Variants in AVEN observed in about 807,000 individuals in gnomAD.
AVEN encodes the protein apoptosis and caspase activation inhibitor.
Under a neutral mutation model 38.1 loss-of-function variants are expected in AVEN, and 41 were observed. That is an observed-to-expected ratio of 1.08 (90% CI 0.84 to 1.40). The LOEUF is 1.40. Among genes scored for constraint, AVEN ranks in the 40% most tolerant of loss-of-function variants. The probability of loss-of-function intolerance (pLI) is 0.00; values close to 1 mark genes in which losing one functional copy is unlikely to be tolerated. For missense variants in AVEN, 605 were observed against 438.8 expected (o/e 1.38, Z -3.38); for synonymous variants, 206 against 171.8 (o/e 1.20, Z -1.56).
intron 1 of AVEN, among the ~76,000 whole-genome samples, chr15:34,003,709 T>C (rs1336160585): frequency 6.6e-6 from 1 of 152,190 alleles, no homozygotes; most frequent in African/African-American, 2.4e-5. Context: ...CACTATTACA[T>C]ATAGTGAGGG....
At chr15:33,915,082 A>C (rs1003096496) in intron 2 of AVEN, among the ~76,000 whole-genome samples, 1 of 152,174 alleles carries the variant, frequency 6.6e-6, no homozygotes, top group African/African-American at 2.4e-5. Flanking sequence ...AAGGGCTTCC[A>C]ACTGGCCAAG....
At chr15:33,883,713 A>T (rs1891587040) in intron 2 of AVEN, 1 of 152,242 alleles carries the variant, frequency 6.6e-6, no homozygotes, top group Non-Finnish European at 1.5e-5. Flanking sequence ...CTTTTGACAC[A>T]ATACATTTTC....
At chr15:34,052,706 A>G (rs1899971053) in intron 5 of AVEN, among the ~76,000 whole-genome samples, 1 of 152,156 alleles carries the variant, frequency 6.6e-6, no homozygotes, top group Admixed American at 6.5e-5. Flanking sequence ...CAACAACAGG[A>G]AAGCACAGAG....
At chr15:33,853,686 C>T in the AVEN span, 1 of 1,611,452 alleles carries the variant, frequency 6.2e-7, no homozygotes, top group Non-Finnish European at 8.5e-7. Flanking sequence ...TGTCATGGTA[C>T]AAAAAGCTTA....
At chr15:33,861,305 T>C (rs1486895299), downstream of AVEN, 3 of 613,502 alleles carry the variant, frequency 4.9e-6, no homozygotes, top group Non-Finnish European at 8.7e-6. Context: ...CCCATGAGCC[T>C]GTACCTTTGT....
chr15:33,955,412 C>T (rs917010204), intron 2 of AVEN, among the ~76,000 whole-genome samples: 2 of 152,128 alleles, frequency 1.3e-5, no homozygotes, highest in African/African-American at 4.8e-5. Flanking sequence ...GCTCTATTTG[C>T]CCCTAATATG....
At position 33,894,242 on chromosome 15, in the gene AVEN, G is replaced by A. The variant is rs150488512; in HGVS notation, c.446-18247C>T. Among the ~76,000 whole-genome samples the A allele has an allele frequency of 3.7e-4, 56 of 152,068 alleles. No homozygotes were observed. In the East Asian group the frequency reaches 9.3e-3, roughly 25 times the overall value. ...TGGGATTAAAGGTGTGAGCTACTGC[G>A]CCTGACTGATGCCAAGAATTTTAAA... On this transcript the variant is annotated intron_variant, in intron 2 of 5. Coordinates refer to ENST00000306730, the MANE Select transcript of AVEN (RefSeq NM_020371.3).
intron 2 of AVEN, among the ~76,000 whole-genome samples, chr15:33,931,842 T>C (rs1893864764): frequency 6.6e-6 from 1 of 152,198 alleles, no homozygotes; most frequent in Non-Finnish European, 1.5e-5. Context: ...GCTAGAAGTA[T>C]AGTTGATTTG....
intron 3 of AVEN, among the ~76,000 whole-genome samples, chr15:33,873,452 G>A (rs145856848): frequency 1.4e-5 from 2 of 147,714 alleles, no homozygotes; most frequent in Non-Finnish European, 3.0e-5. Flanking sequence ...GATGGTATAA[G>A]GAACAACAAA....
intron 4 of AVEN, among the ~76,000 whole-genome samples, chr15:33,868,958 C>A (rs1420612111): frequency 6.6e-6 from 1 of 152,178 alleles, no homozygotes; most frequent in Non-Finnish European, 1.5e-5. Context: ...TGAGAATCAC[C>A]GCTCTCGAGG....
At chr15:33,936,853 CA>C (rs1396439036) in intron 2 of AVEN, among the ~76,000 whole-genome samples, 1 of 152,190 alleles carries the variant, frequency 6.6e-6, no homozygotes, top group Non-Finnish European at 1.5e-5. Context: ...AAAACAGGGC[CA>C]GGCGCAGTGG....
At chr15:34,038,142 G>A (rs1357441006) in intron 1 of AVEN, among the ~76,000 whole-genome samples, 4 of 151,920 alleles carry the variant, frequency 2.6e-5, no homozygotes, top group African/African-American at 4.8e-5. Context: ...AATTCAAAAC[G>A]ACAAAGCCCA....
At chr15:33,984,522 C>T (rs1233680000) in intron 2 of AVEN, among the ~76,000 whole-genome samples, 3 of 151,998 alleles carry the variant, frequency 2.0e-5, no homozygotes, top group Non-Finnish European at 4.4e-5. Context: ...CCTGCCTCAG[C>T]CTCCCGCGTA....
intron 1 of AVEN, among the ~76,000 whole-genome samples, chr15:34,029,525 A>C (rs1012130610): frequency 6.4e-4 from 54 of 84,568 alleles, no homozygotes; most frequent in Middle Eastern, 8.9e-3. Context: ...TACAAAAAAA[A>C]AAAAAAAAAA....
chr15:33,927,374 GAATT>G (rs1262720455), intron 2 of AVEN, among the ~76,000 whole-genome samples: 2 of 151,906 alleles, frequency 1.3e-5, no homozygotes, highest in Admixed American at 6.6e-5. Flanking sequence ...TCATTGAAAT[GAATT>G]AATTACCAAT....
intron 2 of AVEN, among the ~76,000 whole-genome samples, chr15:33,998,906 C>A (rs571883457): frequency 2.0e-5 from 3 of 152,180 alleles, no homozygotes; most frequent in Non-Finnish European, 2.9e-5. Context: ...TACATTCTCA[C>A]GACTTTAAAT....
intron 2 of AVEN, among the ~76,000 whole-genome samples, chr15:33,980,326 G>A (rs924373754): frequency 3.3e-5 from 5 of 152,114 alleles, no homozygotes; most frequent in African/African-American, 7.2e-5. Flanking sequence ...TCATCGCACT[G>A]GTAATGTCTT....
downstream of AVEN, chr15:33,865,006 G>A (rs1394158131): frequency 6.2e-6 from 4 of 646,144 alleles, no homozygotes; most frequent in Non-Finnish European, 1.1e-5. Context: ...GAATGAATGT[G>A]CAGGTTTGGC....
chr15:33,916,441 C>T (rs1444328072), intron 2 of AVEN, among the ~76,000 whole-genome samples: 1 of 152,078 alleles, frequency 6.6e-6, no homozygotes, highest in Non-Finnish European at 1.5e-5. Context: ...ATCTATGCAT[C>T]TGACAAAAGG....
Sources: allele counts gnomAD v4.1 joint callset (sites outside exome capture counted in the v4.1 genomes callset), GRCh38; gene constraint gnomAD v4.1.1; transcripts MANE v1.5; gene names NCBI Gene and HGNC (gene_info 2026-07-23, HGNC 2026-07-21).